FN1: variants seen among roughly 807,000 people sequenced by gnomAD.
The protein encoded by FN1 is fibronectin 1.
Under a neutral mutation model 297.3 loss-of-function variants are expected in FN1, and 106 were observed. That is an observed-to-expected ratio of 0.36 (90% CI 0.30 to 0.42). The LOEUF (loss-of-function observed/expected upper bound fraction) is 0.42. Among genes scored for constraint, FN1 ranks in the 10% least tolerant of loss-of-function variants. The probability of loss-of-function intolerance (pLI) is 1.00; values close to 1 mark genes in which losing one functional copy is unlikely to be tolerated. For missense variants in FN1, 2,690 were observed against 3,124.9 expected, an observed-to-expected ratio of 0.86 and a Z score of 3.32; for synonymous variants, 1,149 against 1,152.6, an observed-to-expected ratio of 1.00 and a Z score of 0.06.
chr2:215,429,013 A>AAAAAC (rs202170833), intron 5 of FN1, among the ~76,000 whole-genome samples: 19 of 152,082 alleles, frequency 1.2e-4, no homozygotes, highest in Admixed American at 2.0e-4. Context: ...AGACTGTCTC[A>AAAAAC]AAAACAAAAC....
At chr2:215,377,079 A>AGTGT (rs1472198272) in intron 35 of FN1, among the ~76,000 whole-genome samples, 5 of 75,056 alleles carry the variant, frequency 6.7e-5, no homozygotes, top group Non-Finnish European at 1.4e-4. Context: ...AGAGAGAGAG[A>AGTGT]GAGTGTGTGT....
chr2:215,414,637 C>CCCAAAA lies in FN1; in HGVS notation c.1941+194_1941+199dup, dbSNP rs1020440418. Reference sequence around the variant, plus strand: ...GCCCCCCCACCGCAAAAAAACAAAACCCAAAACCAAAACCAAAATCCCCTC... The same window carrying CCCAAAA: ...GCCCCCCCACCGCAAAAAAACAAAACCCAAAACCAAAACCAAAACCAAAATCCCCTC... On this transcript the variant is annotated intron_variant, in intron 13 of 45. Transcript: ENST00000354785. The CCCAAAA allele has an allele frequency of 1.0e-5, 14 of 1,338,498 alleles. No individual in the cohort carries two copies. In the Admixed American group the frequency reaches 3.4e-4, roughly 32 times the overall value. 82.9% of individuals were successfully genotyped at this position (1,338,498 alleles called of 1,614,324 possible). A position where few individuals can be genotyped will look rare whatever the true frequency, so the allele number is the denominator to read the frequency against.
chr2:215,408,262 A>G (rs769869592), intron 16 of FN1, 36 bp downstream of exon 16: 3 of 1,614,072 alleles, frequency 1.9e-6, no homozygotes, highest in Non-Finnish European at 2.5e-6. Flanking sequence ...GTTTTACAGA[A>G]AAAGATTCTT....
chr2:215,415,310 A>G (rs2063287093), intron 12 of FN1, among the ~76,000 whole-genome samples: 1 of 152,226 alleles, frequency 6.6e-6, no homozygotes. Context: ...TGTAATACAG[A>G]ACACAGACTT....
In FN1 at chr2:215,378,513, T is replaced by TA. The variant is rs148975889; in HGVS notation, c.5623-252dup. ...AGATTATATACTTAAACTAAGCTGGTAAAAAAAATGAGAAAAGTGGGTATT... is the reference window on the plus strand; with the variant it reads ...AGATTATATACTTAAACTAAGCTGGTAAAAAAAAATGAGAAAAGTGGGTATT... On this transcript the variant is annotated intron_variant, in intron 34 of 45. Transcript: ENST00000354785. Among the ~76,000 whole-genome samples the TA allele has an allele frequency of 0.033, 4,994 of 152,114 alleles. 263 individuals are homozygous for TA. Among genetic ancestry groups the TA allele is most frequent in the African/African-American group, 0.11 (4,662 of 41,464 alleles).
At chr2:215,435,319 C>T (rs974036912) in intron 1 of FN1, among the ~76,000 whole-genome samples, 5 of 152,202 alleles carry the variant, frequency 3.3e-5, no homozygotes, top group Non-Finnish European at 7.3e-5. Context: ...GTAAGGACCA[C>T]ACTAATCCCA....
intron 3 of FN1, 102 bp from the exon 4 acceptor site, chr2:215,432,066 G>T: frequency 7.3e-7 from 1 of 1,364,670 alleles, no homozygotes; most frequent in Non-Finnish European, 1.0e-6. Context: ...CTAAAGTAGA[G>T]ACACAGACAA....
In FN1 at chr2:215,365,496, A is replaced by G; in HGVS notation, c.7144+9T>C. The G allele has an allele frequency of 6.2e-7, 1 of 1,613,762 alleles. No homozygotes were observed. On this transcript the variant is annotated intron_variant, in intron 43 of 45. Transcript: ENST00000354785. ...AATAAGGCACTAAAAATGATCTGTG[A>G]TGACATACGAGGGTCACACTTGAAT...
chr2:215,394,317 A>G (rs1193044799), intron 24 of FN1, among the ~76,000 whole-genome samples: 2 of 152,262 alleles, frequency 1.3e-5, no homozygotes, highest in Admixed American at 6.5e-5. Context: ...AACACACAGC[A>G]TCCCAGTGAA....
At chr2:215,370,222 A>G in intron 41 of FN1, 72 bp downstream of exon 41, 3 of 1,463,804 alleles carry the variant, frequency 2.0e-6, no homozygotes, top group Non-Finnish European at 2.9e-6. Flanking sequence ...ACAAAGGTAC[A>G]GTCAACAGAA....
At chr2:215,422,616 T>C (rs542338621) in intron 9 of FN1, among the ~76,000 whole-genome samples, 10 of 152,326 alleles carry the variant, frequency 6.6e-5, no homozygotes, top group East Asian at 1.9e-4. Context: ...GGTTTGGATA[T>C]AGAATTACAA....
At chr2:215,362,690 G>A (rs931391874) in intron 44 of FN1, 2 of 155,104 alleles carry the variant, frequency 1.3e-5, no homozygotes, top group African/African-American at 4.8e-5. Flanking sequence ...TGGCATGGGA[G>A]ATGGAAACGG....
rs61732520 is a variant in FN1 at position 215,393,163 on chromosome 2, G to C, written c.3837C>G (p.Thr1279=). The change falls in exon 25 of 46, where the codon ACC becomes ACG. Residue 1279 remains threonine (T), a synonymous_variant. Coordinates refer to ENST00000354785, the MANE Select transcript of FN1 (RefSeq NM_212482.4). ...QLTDLSFVDI[T]DSSIGLRWTP... The stretch of plus-strand genomic sequence containing the variant: ...TCCACCTCAGGCCGATGCTTGAATC[G>C]GTTATATCAACAAAGCTTAGGTCAG... 1 of 1,613,920 alleles carries C rather than the reference G, an allele frequency of 6.2e-7. No homozygotes were observed. The highest frequency in any genetic ancestry group is 8.5e-7 in the Non-Finnish European group (1 of 1,179,980).
rs115937626 is a variant in FN1, at chr2:215,435,763, C to G, written c.40G>C (p.Val14Leu). 991 of 1,590,602 alleles carry G rather than the reference C, an allele frequency of 6.2e-4. 10 individuals carry two copies. The African/African-American group carries it at 0.012, about 19-fold the overall frequency. ...GPGPGLLLLA[V>L]QCLGTAVPST... The stretch of plus-strand genomic sequence containing the variant: ...GGCACCGCTGTCCCCAGGCACTGGA[C>G]GGCCAGCAGCAGCAGCCCGGGCCCC... Residue 14 changes from valine to leucine, a missense_variant, in exon 1 of 46, where the codon GTC (valine) becomes CTC (leucine). Val to Leu is a conservative substitution (Grantham distance 32). This residue lies in a region of FN1 where 876 missense variants were observed against 1,058.1 expected (regional missense o/e 0.83). Coordinates refer to ENST00000354785, the MANE Select transcript of FN1 (RefSeq NM_212482.4).
At chr2:215,421,952 A>C (rs1199681959) in intron 10 of FN1, 139 bp downstream of exon 10, 3 of 843,048 alleles carry the variant, frequency 3.6e-6, no homozygotes. Context: ...TTATCTTACC[A>C]TGCACAGTAG....
intron 20 of FN1, among the ~76,000 whole-genome samples, chr2:215,401,263 G>GAAGGAAGGAAGGAAGGAAGGGA (rs201679295): frequency 1.3e-4 from 10 of 74,082 alleles, no homozygotes; most frequent in African/African-American, 3.5e-4. Context: ...AGAAAGAAAG[G>GAAGGAAGGAAGGAAGGAAGGGA]AAGGAAAGGA....
At chr2:215,385,433 G>A (rs528502748) in intron 28 of FN1, among the ~76,000 whole-genome samples, 1 of 151,668 alleles carries the variant, frequency 6.6e-6, no homozygotes, top group African/African-American at 2.4e-5. Flanking sequence ...GTGGTGGCGG[G>A]CACCTGTAGT....
At chr2:215,367,735 A>G in intron 42 of FN1, 128 bp downstream of exon 42, 3 of 899,946 alleles carry the variant, frequency 3.3e-6, no homozygotes, top group South Asian at 1.4e-5. Context: ...CGAGTCAAAC[A>G]GTATTCTCTT....
intron 5 of FN1, 70 bp downstream of exon 5, chr2:215,430,641 AGTAT>A: frequency 6.5e-7 from 1 of 1,537,258 alleles, no homozygotes; most frequent in African/African-American, 1.4e-5. Context: ...TGAGTAACAT[AGTAT>A]TACCCTTCTC....
Sources: gnomAD v4.1 joint callset for allele counts (sites outside exome capture counted in the v4.1 genomes callset) on GRCh38, gnomAD v4.1.1 for gene constraint, gnomAD v4.1.1 regional missense constraint, MANE v1.5 for transcripts, NCBI Gene and HGNC (gene_info 2026-07-23, HGNC 2026-07-21) for gene names.